OSBP2: variants seen among roughly 807,000 people sequenced by gnomAD.
OSBP2 encodes the protein oxysterol binding protein 2.
OSBP2 carries 66 observed loss-of-function variants against 96.0 expected under a neutral mutation model. The observed-to-expected ratio is 0.69, with a 90% CI of 0.56 to 0.84. The LOEUF is 0.84. OSBP2 is among the 40% of genes least tolerant of loss of function. The probability of loss-of-function intolerance (pLI) is 0.00; values close to 1 mark genes in which losing one functional copy is unlikely to be tolerated. For missense variants in OSBP2, 1,038 were observed against 1,222.7 expected (o/e 0.85, Z 2.25); for synonymous variants, 525 against 520.9 (o/e 1.01, Z -0.11).
At position 30,694,956 on chromosome 22, in the gene OSBP2, G is replaced by A; in HGVS notation, c.47G>A (p.Arg16His). The A allele has an allele frequency of 1.4e-6, 2 of 1,479,438 alleles. No individual in the cohort carries two copies. The highest frequency in any genetic ancestry group is 8.9e-7 in the Non-Finnish European group (1 of 1,123,398). The allele number at this position is 1,479,438 out of a possible 1,614,324, so 91.6% of individuals were successfully genotyped here. A position where few individuals can be genotyped will look rare whatever the true frequency, so the allele number is the denominator to read the frequency against. Residue 16 changes from arginine (R) to histidine (H), a missense_variant, in exon 1 of 14, where the codon CGC becomes CAC. Transcript: ENST00000332585. ...AGCCGAGGCGGCGGCTGTGGCGGCC[G>A]CTCCCGCGGGCTCTCGTCGCTGTTC... The part of the protein sequence containing the change: ...APSRGGGCGG[R>H]SRGLSSLFTV...
chr22:30,698,378 G>A (rs76000074), intron 1 of OSBP2, among the ~76,000 whole-genome samples: 2,404 of 152,180 alleles, frequency 0.016, 56 homozygotes, highest in African/African-American at 0.054. Flanking sequence ...GAAGGAATCA[G>A]GGCCATTTCT....
intron 3 of OSBP2, among the ~76,000 whole-genome samples, chr22:30,876,844 C>G (rs903913164): frequency 6.6e-6 from 1 of 152,132 alleles, no homozygotes; most frequent in Admixed American, 6.5e-5. Context: ...GATACAAGCC[C>G]ATACCTTCCT....
intron 2 of OSBP2, among the ~76,000 whole-genome samples, chr22:30,787,136 G>A (rs1294341197): frequency 6.6e-6 from 1 of 152,146 alleles, no homozygotes; most frequent in African/African-American, 2.4e-5. Flanking sequence ...ACCTGTGTTA[G>A]TCCGTTCTCA....
chr22:30,704,020 G>A (rs1192564276), intron 1 of OSBP2, among the ~76,000 whole-genome samples: 1 of 152,200 alleles, frequency 6.6e-6, no homozygotes, highest in Non-Finnish European at 1.5e-5. Flanking sequence ...CACATGAACA[G>A]CACGAGGATT....
intron 2 of OSBP2, among the ~76,000 whole-genome samples, chr22:30,819,395 G>A (rs1250854769): frequency 1.3e-5 from 2 of 152,162 alleles, no homozygotes; most frequent in Non-Finnish European, 2.9e-5. Context: ...TCAGACTCAC[G>A]CATACGGTTA....
At chr22:30,844,297 C>T (rs760198768) in intron 2 of OSBP2, among the ~76,000 whole-genome samples, 7 of 152,174 alleles carry the variant, frequency 4.6e-5, no homozygotes, top group Admixed American at 2.0e-4. Context: ...TGAAGTCAGG[C>T]GTTGACTTCT....
chr22:30,879,243 C>T (rs1203134232), intron 3 of OSBP2, among the ~76,000 whole-genome samples: 2 of 152,344 alleles, frequency 1.3e-5, no homozygotes, highest in African/African-American at 2.4e-5. Context: ...AGCTGACCAC[C>T]GTCCTGCTCT....
chr22:30,718,165 A>T (rs769205057), intron 1 of OSBP2, among the ~76,000 whole-genome samples: 1 of 152,164 alleles, frequency 6.6e-6, no homozygotes, highest in Non-Finnish European at 1.5e-5. Context: ...CATTGGCTGA[A>T]TCAAGGCATG....
At chr22:30,712,926 G>A (rs2089378412) in intron 1 of OSBP2, among the ~76,000 whole-genome samples, 1 of 151,808 alleles carries the variant, frequency 6.6e-6, no homozygotes. Flanking sequence ...TGTTTTTTTT[G>A]AGATATAGTC....
At chr22:30,780,741 G>A (rs143590598) in intron 2 of OSBP2, among the ~76,000 whole-genome samples, 28 of 152,124 alleles carry the variant, frequency 1.8e-4, no homozygotes, top group Middle Eastern at 3.4e-3. Context: ...CAGGTGATCC[G>A]CTCGTCTTGG....
At chr22:30,872,257 G>A (rs945665811) in intron 3 of OSBP2, 2 of 456,526 alleles carry the variant, frequency 4.4e-6, no homozygotes, top group African/African-American at 4.0e-5. Context: ...ACACACAAAT[G>A]TGAAGCACTG....
intron 2 of OSBP2, among the ~76,000 whole-genome samples, chr22:30,756,707 C>A (rs1441994820): frequency 6.6e-6 from 1 of 151,834 alleles, no homozygotes; most frequent in Non-Finnish European, 1.5e-5. Context: ...ACAAAACAAA[C>A]AAACAAAAAA....
intron 8 of OSBP2, among the ~76,000 whole-genome samples, chr22:30,892,795 C>T (rs532467578): frequency 5.9e-5 from 9 of 152,250 alleles, no homozygotes; most frequent in South Asian, 4.1e-4. Context: ...ATGGAACCTT[C>T]GGCATAGTGT....
At chr22:30,697,203 G>C (rs1224430567) in intron 1 of OSBP2, among the ~76,000 whole-genome samples, 1 of 152,246 alleles carries the variant, frequency 6.6e-6, no homozygotes, top group African/African-American at 2.4e-5. Context: ...CACAGTGGCA[G>C]AAATGCCTGG....
At chr22:30,892,324 G>A (rs566048442) in intron 8 of OSBP2, among the ~76,000 whole-genome samples, 1 of 152,218 alleles carries the variant, frequency 6.6e-6, no homozygotes, top group African/African-American at 2.4e-5. Flanking sequence ...TGAGCTCAGG[G>A]CCAGCTAACC....
chr22:30,772,823 C>T (rs1440940528), intron 2 of OSBP2, among the ~76,000 whole-genome samples: 27 of 150,498 alleles, frequency 1.8e-4, no homozygotes, highest in African/African-American at 6.6e-4. Flanking sequence ...GATGGAGTCT[C>T]GCTCTGTTGC....
Position 30,899,299 on chromosome 22 carries a change from A to G in OSBP2, c.2375+5298A>G, listed in dbSNP as rs567078960. Reference sequence around the variant, plus strand: ...TACACACCTGTAGTCCCAGCTACTCAGGAGGCTGAGGCAGGAAGGTTACTT... The same window carrying G: ...TACACACCTGTAGTCCCAGCTACTCGGGAGGCTGAGGCAGGAAGGTTACTT... On this transcript the variant is annotated intron_variant, in intron 12 of 13. Coordinates refer to ENST00000332585, the MANE Select transcript of OSBP2 (RefSeq NM_030758.4). Among the ~76,000 whole-genome samples, 10 of 151,826 alleles carry G rather than the reference A, an allele frequency of 6.6e-5. No homozygotes were observed. In the South Asian group the frequency reaches 2.1e-3, roughly 32 times the overall value.
intron 2 of OSBP2, among the ~76,000 whole-genome samples, chr22:30,762,948 C>T (rs779682223): frequency 2.6e-5 from 4 of 152,182 alleles, no homozygotes; most frequent in Admixed American, 2.0e-4. Context: ...TCCCTTCAAT[C>T]AAAGATTTCT....
chr22:30,695,227 G>C lies in OSBP2; in HGVS notation c.318G>C (p.Pro106=). ...CGGAACTGCTGCAGGGGTCGCGGCC[G>C]GGGTCAGAGTCAAGCTCAGGTGTAG... ...QPSELLQGSR[P]GSESSSGVGA... The change falls in exon 1 of 14, where the codon CCG becomes CCC. Residue 106 remains proline, a synonymous_variant. Transcript: ENST00000332585. The C allele has an allele frequency of 6.2e-7, 1 of 1,613,214 alleles. No individual in the cohort carries two copies.
Sources: gnomAD v4.1 joint callset for allele counts (sites outside exome capture counted in the v4.1 genomes callset) on GRCh38, gnomAD v4.1.1 for gene constraint, MANE v1.5 for transcripts, NCBI Gene and HGNC (gene_info 2026-07-23, HGNC 2026-07-21) for gene names.